GRM4: variants seen among roughly 807,000 people sequenced by gnomAD.
GRM4 encodes glutamate metabotropic receptor 4, also known as metabotropic glutamate receptor 4.
A neutral mutation model predicts 81.7 loss-of-function variants in GRM4; 28 were observed. That is an observed-to-expected ratio of 0.34 (90% CI 0.25 to 0.47). The LOEUF (loss-of-function observed/expected upper bound fraction) is 0.47. GRM4 is among the 20% of genes least tolerant of loss of function. The probability of loss-of-function intolerance (pLI) is 1.00; values close to 1 mark genes in which losing one functional copy is unlikely to be tolerated. For synonymous variants in GRM4, 488 were observed against 528.8 expected (o/e 0.92, Z 1.06); for missense variants, 948 against 1,290.0 (o/e 0.73, Z 4.06).
intron 6 of GRM4, among the ~76,000 whole-genome samples, chr6:34,049,806 AC>A (rs1765524954): frequency 6.6e-6 from 1 of 151,174 alleles, no homozygotes; most frequent in Admixed American, 6.6e-5. Flanking sequence ...AAAGAATCTG[AC>A]CCCTTCGCAC....
chr6:34,022,399 G>T lies in GRM4; in HGVS notation c.*422C>A. The stretch of plus-strand genomic sequence containing the variant: ...GACACAGAAAAGGCCAAGAGTACAA[G>T]CAGCCGGGGACGCCAGAGAGGGAAA... On this transcript the variant is annotated 3_prime_UTR_variant, in exon 11 of 11. Coordinates refer to ENST00000538487, the MANE Select transcript of GRM4 (RefSeq NM_000841.4). This position sits in a 1 kb window ranked among gnomAD's most constrained non-coding sequence, Gnocchi z 5.6. 5.1e-6 allele frequency: 1 copy of T among 197,580 alleles called. No homozygotes were observed. Among genetic ancestry groups the T allele is most frequent in the East Asian group, 1.4e-4 (1 of 7,146 alleles). The allele number at this position is 197,580 out of a possible 1,614,324, so 12.2% of individuals were successfully genotyped here.
At chr6:34,131,230 G>A (rs1361282329) in intron 2 of GRM4, among the ~76,000 whole-genome samples, 1 of 152,236 alleles carries the variant, frequency 6.6e-6, no homozygotes, top group African/African-American at 2.4e-5. Flanking sequence ...AGCCCCCGGG[G>A]ATTGTTCCAG....
At chr6:34,103,579 A>G in intron 2 of GRM4, 1 of 1,530,996 alleles carries the variant, frequency 6.5e-7, no homozygotes, top group East Asian at 2.4e-5. Flanking sequence ...AATTATACTC[A>G]CTTTTGCAGG....
intron 3 of GRM4, among the ~76,000 whole-genome samples, chr6:34,083,106 T>C (rs1290480770): frequency 2.6e-5 from 4 of 152,232 alleles, no homozygotes; most frequent in African/African-American, 9.6e-5. Context: ...GGGCTCAGCA[T>C]CTGACGTTTT....
At chr6:34,107,068 G>A (rs1769161271) in intron 2 of GRM4, among the ~76,000 whole-genome samples, 1 of 152,204 alleles carries the variant, frequency 6.6e-6, no homozygotes, top group Non-Finnish European at 1.5e-5. Flanking sequence ...CGGCCTCCAT[G>A]GCCCTAGGGT....
chr6:34,038,704 G>A lies in GRM4; in HGVS notation c.1506+1474C>T, dbSNP rs150369775. ...CACCTCCCCCCACCACCTCAGCTCT[G>A]TCTGGGCCTTACAGGTGAGGAGGAC... On this transcript the variant is annotated intron_variant, in intron 8 of 10. Coordinates refer to ENST00000538487, the MANE Select transcript of GRM4 (RefSeq NM_000841.4). 3.8e-3 allele frequency among the ~76,000 whole-genome samples: 574 copies of A among 152,162 alleles called. 3 individuals carry two copies. The highest frequency in any genetic ancestry group is 0.013 in the African/African-American group (531 of 41,488).
intron 2 of GRM4, among the ~76,000 whole-genome samples, chr6:34,104,324 C>T (rs78975575): frequency 0.018 from 2,691 of 152,298 alleles, 41 homozygotes; most frequent in Non-Finnish European, 0.027. Context: ...TGCCAGTGGG[C>T]AGGAGGCGGC....
chr6:34,113,379 T>G (rs902293204), intron 2 of GRM4, among the ~76,000 whole-genome samples: 9 of 152,216 alleles, frequency 5.9e-5, no homozygotes, highest in Non-Finnish European at 1.2e-4. Flanking sequence ...CTCGAACTCC[T>G]GGGCTCAAGT....
Position 34,038,954 on chromosome 6 carries a change from C to T in GRM4, c.1506+1224G>A, listed in dbSNP as rs180968491. 2.6e-4 allele frequency among the ~76,000 whole-genome samples: 40 copies of T among 152,326 alleles called. No homozygotes were observed. The East Asian group carries it at 5.4e-3, about 21-fold the overall frequency. ...AGGGGACGTGCTTAGAGTAGCAGCT[C>T]GGACACAGCAGGTACTCAGTAAGTG... On this transcript the variant is annotated intron_variant, in intron 8 of 10. Coordinates refer to ENST00000538487, the MANE Select transcript of GRM4 (RefSeq NM_000841.4).
At position 34,069,645 on chromosome 6, in the gene GRM4, C is replaced by G. The variant is rs1274014705; in HGVS notation, c.737-7617G>C. On this transcript the variant is annotated intron_variant, in intron 3 of 10. Transcript: ENST00000538487. This position sits in a 1 kb window ranked among gnomAD's most constrained non-coding sequence, Gnocchi z 6.4. ...CCGGCTTTACAACCCTTGGCAGCCC[C>G]CAGTGTGTGTGTGTGTGTGTGTGTG... Among the ~76,000 whole-genome samples the G allele has an allele frequency of 5.1e-5, 7 of 136,356 alleles. No homozygotes were observed. The South Asian group carries it at 1.2e-3, about 23-fold the overall frequency. The allele number at this position is 136,356 out of a possible 152,430, so 89.5% of individuals were successfully genotyped here. A position where few individuals can be genotyped will look rare whatever the true frequency, so the allele number is the denominator to read the frequency against.
upstream of GRM4, among the ~76,000 whole-genome samples, chr6:34,150,533 C>T (rs566140537): frequency 2.6e-5 from 4 of 152,126 alleles, no homozygotes; most frequent in East Asian, 3.9e-4. Flanking sequence ...GTGAAGGAGA[C>T]GAGTGGTCCA....
chr6:34,145,142 C>T (rs1458596114), intron 1 of GRM4, among the ~76,000 whole-genome samples: 1 of 151,954 alleles, frequency 6.6e-6, no homozygotes, highest in Admixed American at 6.6e-5. Flanking sequence ...GCCGGCCTGC[C>T]CCGGGGGCGC....
chr6:34,062,076 C>T (rs771329995), intron 3 of GRM4, 48 bp from the exon 4 acceptor site: 2 of 1,567,418 alleles, frequency 1.3e-6, no homozygotes, highest in East Asian at 4.5e-5. Flanking sequence ...GAACCTGAGT[C>T]TCCCCACCAC....
At chr6:34,098,365 C>T (rs570602190) in intron 2 of GRM4, among the ~76,000 whole-genome samples, 1 of 152,320 alleles carries the variant, frequency 6.6e-6, no homozygotes, top group Non-Finnish European at 1.5e-5. Context: ...TTCCCACCCT[C>T]CTGGGCATGC....
chr6:34,033,139 C>T (rs796292808), intron 9 of GRM4, among the ~76,000 whole-genome samples: 7 of 152,296 alleles, frequency 4.6e-5, no homozygotes, highest in African/African-American at 1.7e-4. Flanking sequence ...AGAGACCCAG[C>T]TCACAGCATG....
At chr6:34,044,541 GACAC>G (rs199626410) in intron 6 of GRM4, among the ~76,000 whole-genome samples, 18 of 96,046 alleles carry the variant, frequency 1.9e-4, no homozygotes, top group African/African-American at 7.5e-4. Context: ...CATATATACA[GACAC>G]ACACACAAAC....
chr6:34,118,246 G>A (rs1416340407), intron 2 of GRM4, among the ~76,000 whole-genome samples: 1 of 152,220 alleles, frequency 6.6e-6, no homozygotes, highest in African/African-American at 2.4e-5. Flanking sequence ...AGGGGCTAAG[G>A]GACATCGAGC....
At chr6:34,154,590 TACACACACACACACAC>T (rs57603011) in intron 1 of GRM4, among the ~76,000 whole-genome samples, 2 of 145,096 alleles carry the variant, frequency 1.4e-5, no homozygotes, top group Admixed American at 6.8e-5. Flanking sequence ...TGGTCCTGAC[TACACACACACACACAC>T]ACACACACAC....
chr6:34,040,061 T>G, intron 8 of GRM4, 117 bp downstream of exon 8: 2 of 994,780 alleles, frequency 2.0e-6, no homozygotes, highest in African/African-American at 1.6e-5. Context: ...AGCCCCAGCC[T>G]GGCAGCAGCG....
Sources: gnomAD v4.1 joint callset for allele counts (sites outside exome capture counted in the v4.1 genomes callset) on GRCh38, gnomAD v4.1.1 for gene constraint, Gnocchi (gnomAD v3.1) non-coding constraint, MANE v1.5 for transcripts, NCBI Gene and HGNC (gene_info 2026-07-23, HGNC 2026-07-21) for gene names.